Variants in RASAL2 observed in about 807,000 individuals in gnomAD.
RASAL2 encodes RAS protein activator like 2.
Under a neutral mutation model 128.9 loss-of-function variants are expected in RASAL2, and 58 were observed. That is an observed-to-expected ratio of 0.45 (90% CI 0.36 to 0.56). The LOEUF (loss-of-function observed/expected upper bound fraction) is 0.56. RASAL2 is among the 20% of genes least tolerant of loss of function. RASAL2 has a pLI of 0.00. For missense variants in RASAL2, 1,360 were observed against 1,601.6 expected (o/e 0.85, Z 2.57); for synonymous variants, 561 against 580.8 (o/e 0.97, Z 0.49).
intron 1 of RASAL2, among the ~76,000 whole-genome samples, chr1:178,213,232 C>T (rs1571640113): frequency 6.6e-6 from 1 of 152,058 alleles, no homozygotes; most frequent in Non-Finnish European, 1.5e-5. Flanking sequence ...GCTATAGAAA[C>T]GAGGTCTCAC....
chr1:178,171,402 A>G (rs1212624936), intron 1 of RASAL2, among the ~76,000 whole-genome samples: 1 of 151,950 alleles, frequency 6.6e-6, no homozygotes, highest in East Asian at 1.9e-4. Context: ...TTTCCCCACA[A>G]AAGAATAAAA....
chr1:178,177,331 A>G (rs1661930840), intron 1 of RASAL2, among the ~76,000 whole-genome samples: 1 of 152,160 alleles, frequency 6.6e-6, no homozygotes, highest in Admixed American at 6.5e-5. Flanking sequence ...TTGCAGCTTA[A>G]TTTGTAGTAA....
intron 1 of RASAL2, among the ~76,000 whole-genome samples, chr1:178,277,290 C>T (rs993278117): frequency 2.0e-5 from 3 of 151,906 alleles, no homozygotes; most frequent in Admixed American, 6.6e-5. Flanking sequence ...TCCCAAGTAG[C>T]TGGGACTACA....
intron 1 of RASAL2, among the ~76,000 whole-genome samples, chr1:178,202,447 C>T (rs1662905226): frequency 6.6e-6 from 1 of 152,214 alleles, no homozygotes; most frequent in African/African-American, 2.4e-5. Flanking sequence ...ACAGCTGCAG[C>T]ACTACAGCCC....
intron 5 of RASAL2, among the ~76,000 whole-genome samples, chr1:178,426,268 T>A (rs146961921): frequency 6.6e-6 from 1 of 152,146 alleles, no homozygotes; most frequent in Admixed American, 6.5e-5. Context: ...AGCTGATCAA[T>A]AGATATACAA....
rs575267716 is a variant in RASAL2 at position 178,460,279 on chromosome 1, G to A, written c.3252+1735G>A. Among the ~76,000 whole-genome samples, 15 of 152,130 alleles carry A rather than the reference G, an allele frequency of 9.9e-5. No individual in the cohort carries two copies. In the South Asian group the frequency reaches 2.9e-3, roughly 30 times the overall value. On this transcript the variant is annotated intron_variant, in intron 14 of 17. Coordinates refer to ENST00000367649, the MANE Select transcript of RASAL2 (RefSeq NM_170692.4). The stretch of plus-strand genomic sequence containing the variant: ...CAAAAGTGTACTTAGGCCCAGCCCT[G>A]TACAGAAAAGGAAAATAAAGATTCT...
At chr1:178,147,427 T>C (rs939446913) in intron 1 of RASAL2, among the ~76,000 whole-genome samples, 4 of 149,430 alleles carry the variant, frequency 2.7e-5, no homozygotes, top group Admixed American at 2.7e-4. Context: ...GAGGTGGAGG[T>C]TGCAGTCTTA....
intron 4 of RASAL2, among the ~76,000 whole-genome samples, chr1:178,406,881 A>G (rs1674035927): frequency 6.6e-6 from 1 of 151,890 alleles, no homozygotes; most frequent in Non-Finnish European, 1.5e-5. Context: ...TGTCAACATC[A>G]ATTAGATCTG....
intron 1 of RASAL2, among the ~76,000 whole-genome samples, chr1:178,185,905 G>T (rs1200133579): frequency 1.3e-5 from 2 of 152,118 alleles, no homozygotes; most frequent in Non-Finnish European, 2.9e-5. Context: ...TTCATAGATT[G>T]AATTAGGAGT....
At chr1:178,386,337 T>C (rs1053039827) in intron 3 of RASAL2, among the ~76,000 whole-genome samples, 1 of 152,228 alleles carries the variant, frequency 6.6e-6, no homozygotes, top group Non-Finnish European at 1.5e-5. Flanking sequence ...CTTGTCTTTA[T>C]CTCTGTTTGG....
chr1:178,298,443 A>C (rs1667613458), intron 2 of RASAL2, among the ~76,000 whole-genome samples: 1 of 152,214 alleles, frequency 6.6e-6, no homozygotes, highest in Non-Finnish European at 1.5e-5. Flanking sequence ...TGAAAATTTG[A>C]AGTGCCTATG....
intron 4 of RASAL2, among the ~76,000 whole-genome samples, chr1:178,415,690 A>G (rs922393681): frequency 1.2e-4 from 18 of 152,142 alleles, no homozygotes; most frequent in African/African-American, 4.1e-4. Context: ...ATATAGATTT[A>G]TCTGTTTCTC....
At chr1:178,134,044 T>C (rs1660219598) in intron 1 of RASAL2, among the ~76,000 whole-genome samples, 1 of 152,232 alleles carries the variant, frequency 6.6e-6, no homozygotes, top group African/African-American at 2.4e-5. Flanking sequence ...AAACTACCCC[T>C]AAACTTAGCA....
intron 1 of RASAL2, among the ~76,000 whole-genome samples, chr1:178,095,049 C>G (rs966985257): frequency 6.6e-6 from 1 of 152,136 alleles, no homozygotes; most frequent in African/African-American, 2.4e-5. Context: ...GGATTTTCGT[C>G]TCTTTTTATT....
intron 1 of RASAL2, among the ~76,000 whole-genome samples, chr1:178,236,992 G>T (rs567902605): frequency 6.6e-6 from 1 of 151,948 alleles, no homozygotes; most frequent in Non-Finnish European, 1.5e-5. Flanking sequence ...TCGAACTTCT[G>T]ATCTCAGGTG....
chr1:178,393,175 G>C (rs2102617752), intron 4 of RASAL2, among the ~76,000 whole-genome samples: 1 of 152,272 alleles, frequency 6.6e-6, no homozygotes, highest in East Asian at 1.9e-4. Context: ...GACCAGGGTT[G>C]GGTTGTGGGG....
chr1:178,333,881 A>G (rs546840663), intron 3 of RASAL2, among the ~76,000 whole-genome samples: 5 of 152,344 alleles, frequency 3.3e-5, no homozygotes, highest in African/African-American at 9.6e-5. Context: ...TTTCAGCAGT[A>G]ATAAATTTAG....
At chr1:178,444,806 A>T (rs1676887641) in intron 8 of RASAL2, among the ~76,000 whole-genome samples, 1 of 152,198 alleles carries the variant, frequency 6.6e-6, no homozygotes, top group Admixed American at 6.6e-5. Context: ...AGTATTATAT[A>T]TTGAACACCT....
intron 10 of RASAL2, 41 bp from the exon 11 acceptor site, chr1:178,452,375 C>A: frequency 1.3e-6 from 2 of 1,540,490 alleles, no homozygotes; most frequent in Non-Finnish European, 1.8e-6. Flanking sequence ...TGTACTGGTA[C>A]TTCTGTGTTT....
Sources: gnomAD v4.1 joint callset for allele counts (sites outside exome capture counted in the v4.1 genomes callset) on GRCh38, gnomAD v4.1.1 for gene constraint, MANE v1.5 for transcripts, NCBI Gene and HGNC (gene_info 2026-07-23, HGNC 2026-07-21) for gene names.